Variants in IFNAR1 observed in about 807,000 individuals in gnomAD.
The protein encoded by IFNAR1 is interferon alpha/beta receptor 1.
A neutral mutation model predicts 62.1 loss-of-function variants in IFNAR1; 47 were observed. The ratio of observed to expected loss-of-function variants is 0.76; its 90% CI spans 0.60 to 0.97. The LOEUF (loss-of-function observed/expected upper bound fraction) is 0.97. IFNAR1 is among the 50% of genes least tolerant of loss of function. The pLI, the probability that IFNAR1 is intolerant of heterozygous loss-of-function variation, is 0.00. For synonymous variants in IFNAR1, 219 were observed against 226.9 expected (o/e 0.97, Z 0.31); for missense variants, 638 against 654.5 (o/e 0.97, Z 0.27).
At chr21:33,351,188 T>G (rs2243599) in intron 8 of IFNAR1, among the ~76,000 whole-genome samples, 74,166 of 152,062 alleles carry the variant, frequency 0.49, 19,301 homozygotes, top group African/African-American at 0.69. Context: ...CCTGCCGGAT[T>G]ATGTGATTGG....
chr21:33,351,426 A>G (rs2083396153), intron 8 of IFNAR1, among the ~76,000 whole-genome samples: 1 of 152,206 alleles, frequency 6.6e-6, no homozygotes, highest in South Asian at 2.1e-4. Flanking sequence ...AACCCCATGC[A>G]CAGCCTCCGT....
Position 33,357,530 on chromosome 21 carries a change from G to GTTTTTTTTTT in IFNAR1, c.*1987_*1996dup, listed in dbSNP as rs36125058. On this transcript the variant is annotated 3_prime_UTR_variant, in exon 11 of 11. Coordinates refer to ENST00000270139, the MANE Select transcript of IFNAR1 (RefSeq NM_000629.3). ...ATTTTCATCTTTCTGACCAGAGGCT[G>GTTTTTTTTTT]TTTTTTTTTTTTTTTGAGACAGTCT... 1.4e-5 allele frequency: 2 copies of GTTTTTTTTTT among 139,672 alleles called. No homozygotes were observed. The highest frequency in any genetic ancestry group is 5.4e-5 in the African/African-American group (2 of 37,282). The allele number at this position is 139,672 out of a possible 1,614,324, so 8.7% of individuals were successfully genotyped here. A position where few individuals can be genotyped will look rare whatever the true frequency, so the allele number is the denominator to read the frequency against.
intron 6 of IFNAR1, 56 bp from the exon 7 acceptor site, chr21:33,349,035 C>T: frequency 9.2e-7 from 1 of 1,084,056 alleles, no homozygotes; most frequent in Non-Finnish European, 1.4e-6. Flanking sequence ...TAGTGTCTGG[C>T]AATTGTAAAT....
At chr21:33,333,974 G>A (rs977041102) in intron 1 of IFNAR1, among the ~76,000 whole-genome samples, 9 of 152,028 alleles carry the variant, frequency 5.9e-5, no homozygotes, top group African/African-American at 2.2e-4. Context: ...TGAAATTGAA[G>A]GGATGGAAAA....
intron 1 of IFNAR1, among the ~76,000 whole-genome samples, chr21:33,333,139 C>T (rs1041209604): frequency 6.6e-6 from 1 of 152,174 alleles, no homozygotes; most frequent in Non-Finnish European, 1.5e-5. Flanking sequence ...AAGAAAATCC[C>T]CATTCAGCTA....
intron 8 of IFNAR1, among the ~76,000 whole-genome samples, chr21:33,352,149 C>G (rs1369182184): frequency 6.6e-6 from 1 of 152,002 alleles, no homozygotes; most frequent in Non-Finnish European, 1.5e-5. Context: ...AGGCCAAAAC[C>G]CCTACTCTTA....
chr21:33,327,625 C>A (rs2083138953), intron 1 of IFNAR1, among the ~76,000 whole-genome samples: 1 of 152,126 alleles, frequency 6.6e-6, no homozygotes, highest in South Asian at 2.1e-4. Flanking sequence ...TGTTAAGGGC[C>A]TAATTATCAG....
In IFNAR1 at chr21:33,341,071, A is replaced by T; in HGVS notation, c.273A>T (p.Ser91=). The change falls in exon 3 of 11, where the codon TCA becomes TCT. Residue 91 remains serine, a synonymous_variant. Coordinates refer to ENST00000270139, the MANE Select transcript of IFNAR1 (RefSeq NM_000629.3). ...CTAGTACCAAATGCAACTTTTCTTCACTCAAGCTGAATGTTTATGAAGAAA... is the reference window on the plus strand; with the variant it reads ...CTAGTACCAAATGCAACTTTTCTTCTCTCAAGCTGAATGTTTATGAAGAAA... ...NITSTKCNFS[S]LKLNVYEEIK... The T allele has an allele frequency of 5.0e-6, 8 of 1,612,610 alleles. No homozygotes were observed. The highest frequency in any genetic ancestry group is 6.8e-6 in the Non-Finnish European group (8 of 1,178,742).
intron 1 of IFNAR1, among the ~76,000 whole-genome samples, chr21:33,325,829 C>CA (rs1416990323): frequency 1.3e-5 from 2 of 152,102 alleles, no homozygotes; most frequent in Non-Finnish European, 2.9e-5. Flanking sequence ...TAAAGGGAGT[C>CA]AGTTATGCAG....
chr21:33,338,550 A>G (rs1223967085), intron 2 of IFNAR1, among the ~76,000 whole-genome samples: 1 of 146,350 alleles, frequency 6.8e-6, no homozygotes, highest in African/African-American at 2.7e-5. Context: ...AAAAAAACCC[A>G]ACAAATATTG....
intron 2 of IFNAR1, among the ~76,000 whole-genome samples, chr21:33,339,481 A>G (rs1022724664): frequency 6.6e-6 from 1 of 152,218 alleles, no homozygotes; most frequent in Non-Finnish European, 1.5e-5. Flanking sequence ...GGTTTCTAAT[A>G]TCTAAATCGT....
intron 1 of IFNAR1, among the ~76,000 whole-genome samples, chr21:33,330,955 C>T (rs1395706461): frequency 6.6e-6 from 1 of 152,204 alleles, no homozygotes; most frequent in African/African-American, 2.4e-5. Context: ...GAGAAGGAGC[C>T]AACACTGTGC....
rs2083406839 is a variant in IFNAR1, at chr21:33,352,460, G to T, written c.1144-298G>T. On this transcript the variant is annotated intron_variant, in intron 8 of 10. Transcript: ENST00000270139. Reference sequence around the variant, plus strand: ...TCTACCAAAAAGAAAAAAAAATTAGGCGTGGTGGCATCTGCATCTGTAATC... The same window carrying T: ...TCTACCAAAAAGAAAAAAAAATTAGTCGTGGTGGCATCTGCATCTGTAATC... 2.0e-5 allele frequency among the ~76,000 whole-genome samples: 3 copies of T among 152,018 alleles called. No homozygotes were observed. The South Asian group carries it at 6.2e-4, about 32-fold the overall frequency.
intron 5 of IFNAR1, among the ~76,000 whole-genome samples, chr21:33,344,971 A>G (rs2083331670): frequency 6.6e-6 from 1 of 151,942 alleles, no homozygotes; most frequent in Admixed American, 6.6e-5. Context: ...TATTTTTAGT[A>G]GAAATGGGGT....
chr21:33,355,290 C>G (rs781398812), intron 10 of IFNAR1, 26 bp from the exon 11 acceptor site: 8 of 1,096,776 alleles, frequency 7.3e-6, no homozygotes, highest in Non-Finnish European at 9.3e-6. Context: ...TAATTGATTT[C>G]TACTCTTTCC....
upstream of IFNAR1, chr21:33,324,920 G>T (rs2083109005): frequency 7.6e-6 from 5 of 658,208 alleles, no homozygotes; most frequent in South Asian, 8.9e-5. Context: ...GGCGGCGCGT[G>T]CGTAGAGGGG....
At chr21:33,347,933 C>T (rs549100879) in intron 6 of IFNAR1, among the ~76,000 whole-genome samples, 1 of 152,214 alleles carries the variant, frequency 6.6e-6, no homozygotes, top group South Asian at 2.1e-4. Context: ...TCAGGCTGTC[C>T]TGTAGGCTTT....
intron 5 of IFNAR1, among the ~76,000 whole-genome samples, chr21:33,344,878 C>T (rs915907210): frequency 2.2e-4 from 34 of 152,190 alleles, no homozygotes; most frequent in African/African-American, 7.5e-4. Flanking sequence ...ACCTCTGCCT[C>T]CCAGCTTCAA....
chr21:33,338,143 T>C (rs2083259917), intron 2 of IFNAR1, among the ~76,000 whole-genome samples: 1 of 151,970 alleles, frequency 6.6e-6, no homozygotes, highest in Non-Finnish European at 1.5e-5. Flanking sequence ...AACAAGTATG[T>C]GAAAAAATGG....
Sources: allele counts gnomAD v4.1 joint callset (sites outside exome capture counted in the v4.1 genomes callset), GRCh38; gene constraint gnomAD v4.1.1; transcripts MANE v1.5; gene names NCBI Gene and HGNC (gene_info 2026-07-23, HGNC 2026-07-21).